The following PCDHA9 variants were observed in gnomAD, a reference collection of about 807,000 sequenced individuals.
PCDHA9 encodes the protein protocadherin alpha 9.
Under a neutral mutation model 62.0 loss-of-function variants are expected in PCDHA9, and 62 were observed. That is an observed-to-expected ratio of 1.00 (90% CI 0.81 to 1.23). The LOEUF (loss-of-function observed/expected upper bound fraction) is 1.23. Among genes scored for constraint, PCDHA9 ranks in the 50% most tolerant of loss-of-function variants. The pLI is 0.00. For synonymous variants in PCDHA9, 557 were observed against 567.6 expected (o/e 0.98, Z 0.27); for missense variants, 1,205 against 1,249.8 (o/e 0.96, Z 0.54).
intron 1 of PCDHA9, among the ~76,000 whole-genome samples, chr5:140,951,775 A>G (rs1554220072): frequency 1.3e-5 from 2 of 152,164 alleles, no homozygotes; most frequent in African/African-American, 4.8e-5. Context: ...ACGTTCTTAC[A>G]TTGCAAAATA....
At chr5:140,873,008 A>G (rs1455373788) in intron 1 of PCDHA9, among the ~76,000 whole-genome samples, 2 of 152,166 alleles carry the variant, frequency 1.3e-5, no homozygotes, top group African/African-American at 4.8e-5. Flanking sequence ...GTCATTCTTC[A>G]TATTTAGTTA....
At chr5:140,859,117 T>C (rs1441256234) in intron 1 of PCDHA9, 3 of 150,206 alleles carry the variant, frequency 2.0e-5, no homozygotes, top group Non-Finnish European at 4.5e-5. Context: ...AGAAAATGTA[T>C]GTTTCTTTTA....
At position 140,856,167 on chromosome 5, in the gene PCDHA9, A is replaced by T. The variant is rs141221498; in HGVS notation, c.2394+5278A>T. ...TACTCAGTCTACGAGGAGGCCAGAC[A>T]CGGCACCTTCGTGGGCCGCATCGCG... is the stretch of plus-strand genomic sequence containing the variant. On this transcript the variant is annotated intron_variant, in intron 1 of 3. Coordinates refer to ENST00000532602, the MANE Select transcript of PCDHA9 (RefSeq NM_031857.2). 4.0e-5 allele frequency: 64 copies of T among 1,598,222 alleles called. 4 individuals carry two copies. The African/African-American group carries it at 8.5e-4, about 21-fold the overall frequency.
At chr5:140,960,548 A>G (rs73793541) in intron 1 of PCDHA9, among the ~76,000 whole-genome samples, 2,047 of 152,290 alleles carry the variant, frequency 0.013, 37 homozygotes, top group African/African-American at 0.047. Context: ...TGGCCTTCAT[A>G]TAGACTGAGC....
rs782099262 is a variant in PCDHA9 at position 140,927,918 on chromosome 5, C to A, written c.2395-51031C>A. 3.7e-6 allele frequency: 6 copies of A among 1,614,220 alleles called. No homozygotes were observed. In the South Asian group the frequency reaches 4.4e-5, roughly 12 times the overall value. ...ACGATCATGCCCCCGAACTGGACTT[C>A]CTGACTCTTTCGAACCCAGTACCTG... On this transcript the variant is annotated intron_variant, in intron 1 of 3. Transcript: ENST00000532602.
chr5:140,850,488 G>T lies in PCDHA9; in HGVS notation c.1993G>T (p.Val665Leu). Residue 665 changes from valine (V) to leucine (L), a missense_variant, in exon 1 of 4, where the codon GTG becomes TTG. Physicochemically the swap from Val to Leu is conservative, Grantham distance 32. This residue lies in a region of PCDHA9 where 887 missense variants were observed against 809.5 expected (regional missense o/e 1.10). Transcript: ENST00000532602. ...GEPALTATAT[V>L]LVSLVESGQA... Reference sequence around the variant, plus strand: ...GCCAGCGCTGACGGCCACGGCCACTGTGCTGGTGTCGCTGGTGGAGAGCGG... The same window carrying T: ...GCCAGCGCTGACGGCCACGGCCACTTTGCTGGTGTCGCTGGTGGAGAGCGG... 6.3e-7 allele frequency: 1 copy of T among 1,598,176 alleles called. No individual in the cohort carries two copies.
intron 3 of PCDHA9, among the ~76,000 whole-genome samples, chr5:141,005,089 A>G (rs1554259886): frequency 6.6e-6 from 1 of 152,244 alleles, no homozygotes; most frequent in East Asian, 1.9e-4. Context: ...TTAGTACTTT[A>G]CATGCATTAC....
intron 1 of PCDHA9, among the ~76,000 whole-genome samples, chr5:140,936,526 C>T (rs183606913): frequency 6.6e-6 from 1 of 152,302 alleles, no homozygotes; most frequent in East Asian, 1.9e-4. Flanking sequence ...CCTGAAATTG[C>T]TTTTGAATAT....
intron 1 of PCDHA9, among the ~76,000 whole-genome samples, chr5:140,920,232 A>C (rs1463016764): frequency 6.6e-6 from 1 of 152,232 alleles, no homozygotes; most frequent in African/African-American, 2.4e-5. Flanking sequence ...ATAGTATTAT[A>C]TACCCAACAA....
chr5:140,913,073 G>A (rs529914576), intron 1 of PCDHA9, among the ~76,000 whole-genome samples: 7 of 152,184 alleles, frequency 4.6e-5, no homozygotes, highest in Admixed American at 1.3e-4. Flanking sequence ...ATGTGTCATT[G>A]TTTGGTATCA....
At chr5:140,857,683 C>A in intron 1 of PCDHA9, 1 of 1,597,084 alleles carries the variant, frequency 6.3e-7, no homozygotes, top group East Asian at 2.2e-5. Context: ...CGCCTCTGGG[C>A]AGCAACTTGA....
intron 1 of PCDHA9, chr5:140,853,906 C>G: frequency 1.0e-6 from 1 of 955,174 alleles, no homozygotes; most frequent in Non-Finnish European, 1.3e-6. Flanking sequence ...GGTGGCCTGA[C>G]ACCTGCAATC....
chr5:140,862,359 C>A lies in PCDHA9; in HGVS notation c.2394+11470C>A, dbSNP rs1364549064. ...CCTAACTTCAGTGCCAAGGGACAGA[C>A]GACCCGCACCCTGACTCCTCACGTC... On this transcript the variant is annotated intron_variant, in intron 1 of 3. Coordinates refer to ENST00000532602, the MANE Select transcript of PCDHA9 (RefSeq NM_031857.2). 17 of 337,738 alleles carry A rather than the reference C, an allele frequency of 5.0e-5. No individual in the cohort carries two copies. In the East Asian group the frequency reaches 1.2e-3, roughly 24 times the overall value. The allele number at this position is 337,738 out of a possible 1,614,324, so 20.9% of individuals were successfully genotyped here.
chr5:140,994,105 A>G (rs1264024543), intron 3 of PCDHA9, among the ~76,000 whole-genome samples: 2 of 152,226 alleles, frequency 1.3e-5, no homozygotes, highest in African/African-American at 2.4e-5. Context: ...TGGAAATATT[A>G]CATTGTCATG....
intron 1 of PCDHA9, chr5:140,852,195 C>T (rs2150513188): frequency 8.5e-6 from 6 of 709,164 alleles, no homozygotes; most frequent in African/African-American, 1.9e-5. Flanking sequence ...ATGCCAGTAA[C>T]GTTTATTTAA....
At position 140,859,521 on chromosome 5, in the gene PCDHA9, A is replaced by T. The variant is rs187641727; in HGVS notation, c.2394+8632A>T. 138 of 194,130 alleles carry T rather than the reference A, an allele frequency of 7.1e-4. 7 individuals are homozygous for T. The highest frequency in any genetic ancestry group is 1.9e-3 in the East Asian group (11 of 5,678). 12.0% of individuals were successfully genotyped at this position (194,130 alleles called of 1,614,324 possible). A position where few individuals can be genotyped will look rare whatever the true frequency, so the allele number is the denominator to read the frequency against. On this transcript the variant is annotated intron_variant, in intron 1 of 3. Coordinates refer to ENST00000532602, the MANE Select transcript of PCDHA9 (RefSeq NM_031857.2). ...ACCTGATACCCATGATTTCATTTTTAAAAAAAATTTATTAATTCTAGTGTT... is the reference window on the plus strand; with the variant it reads ...ACCTGATACCCATGATTTCATTTTTTAAAAAAATTTATTAATTCTAGTGTT...
chr5:140,975,056 A>C (rs1006106436), intron 1 of PCDHA9, among the ~76,000 whole-genome samples: 1 of 152,154 alleles, frequency 6.6e-6, no homozygotes, highest in Non-Finnish European at 1.5e-5. Flanking sequence ...AGAATCTACT[A>C]TCGAGCTCAT....
chr5:140,982,623 C>T, intron 3 of PCDHA9, 60 bp downstream of exon 3: 1 of 1,583,652 alleles, frequency 6.3e-7, no homozygotes, highest in South Asian at 1.2e-5. Context: ...AGATGACCTA[C>T]TTTTGTAAGA....
chr5:140,871,036 C>A (rs781977409), intron 1 of PCDHA9: 2 of 1,613,156 alleles, frequency 1.2e-6, no homozygotes, highest in East Asian at 2.2e-5. Flanking sequence ...GCCGCGCCAC[C>A]GACTTCTAGT....
Sources: gnomAD v4.1 joint callset for allele counts (sites outside exome capture counted in the v4.1 genomes callset) on GRCh38, gnomAD v4.1.1 for gene constraint, gnomAD v4.1.1 regional missense constraint, MANE v1.5 for transcripts, NCBI Gene and HGNC (gene_info 2026-07-23, HGNC 2026-07-21) for gene names.